Variants in LSM1 observed in about 807,000 individuals in gnomAD.
LSM1 encodes LSM1 homolog, mRNA degradation associated, also known as U6 snRNA-associated Sm-like protein LSm1.
LSM1 carries 13 observed loss-of-function variants against 18.0 expected under a neutral mutation model. The observed-to-expected ratio is 0.72, with a 90% CI of 0.47 to 1.15. The LOEUF is 1.15. LSM1 is among the 50% of genes most tolerant of loss of function. LSM1 has a pLI of 0.00. For missense variants in LSM1, 152 were observed against 157.7 expected (o/e 0.96, Z 0.19); for synonymous variants, 46 against 56.0 (o/e 0.82, Z 0.80).
chr8:38,176,270 C>T lies in LSM1; in HGVS notation c.46+5G>A, dbSNP rs775868603. The T allele has an allele frequency of 6.2e-7, 1 of 1,613,512 alleles. No individual in the cohort carries two copies. The highest frequency in any genetic ancestry group is 1.1e-5 in the South Asian group (1 of 90,926). ...GGCTCCACCGGGAGGAGATAAACTA[C>T]TCACTGTCAATGTCCTCGATGAGGC... On this transcript the variant is annotated splice_donor_5th_base_variant and intron_variant, in intron 1 of 3. Transcript: ENST00000311351.
At chr8:38,169,687 TAGG>T (rs1802991608) in intron 3 of LSM1, 112 bp downstream of exon 3, 1 of 614,934 alleles carries the variant, frequency 1.6e-6, no homozygotes, top group Non-Finnish European at 2.9e-6. Context: ...GGTAGTTGCC[TAGG>T]AGAAGCCAGA....
At chr8:38,176,082 G>T (rs955745514) in intron 1 of LSM1, 193 bp downstream of exon 1, 1 of 496,828 alleles carries the variant, frequency 2.0e-6, no homozygotes, top group Non-Finnish European at 3.6e-6. Context: ...AGGGGCAGAA[G>T]TAGCAGCAGG....
rs1256298584 is a variant in LSM1, at chr8:38,172,109, T to C, written c.47-76A>G. On this transcript the variant is annotated intron_variant, in intron 1 of 3. Coordinates refer to ENST00000311351, the MANE Select transcript of LSM1 (RefSeq NM_014462.3). ...GTATTTAGGATAATAATTAACAGTT[T>C]AAGCTGTACCACTTCCTCGGCCAAT... 3.9e-6 allele frequency: 4 copies of C among 1,028,322 alleles called. No homozygotes were observed. In the African/African-American group the frequency reaches 6.5e-5, roughly 17 times the overall value. The allele number at this position is 1,028,322 out of a possible 1,614,324, so 63.7% of individuals were successfully genotyped here.
At chr8:38,171,256 G>T (rs556257223) in intron 2 of LSM1, among the ~76,000 whole-genome samples, 66 of 152,318 alleles carry the variant, frequency 4.3e-4, no homozygotes, top group African/African-American at 1.5e-3. Context: ...CCTTGGGCCG[G>T]GCACAATGGC....
intron 1 of LSM1, 150 bp downstream of exon 1, chr8:38,176,125 T>C: frequency 1.6e-6 from 1 of 618,310 alleles, no homozygotes; most frequent in South Asian, 2.0e-5. Context: ...GTACCGCAGC[T>C]GTGGAGGACA....
intron 3 of LSM1, among the ~76,000 whole-genome samples, chr8:38,168,460 G>C (rs1339941512): frequency 1.3e-5 from 2 of 150,806 alleles, no homozygotes; most frequent in Non-Finnish European, 3.0e-5. Flanking sequence ...GCTTGGTTGC[G>C]GGCACCTGTA....
At chr8:38,172,099 ATTAACAGTTT>A in intron 1 of LSM1, 66 bp from the exon 2 acceptor site, 1 of 1,131,536 alleles carries the variant, frequency 8.8e-7, no homozygotes, top group East Asian at 2.3e-5. Context: ...TAGGATAATA[ATTAACAGTTT>A]AAGCTGTACC....
At chr8:38,164,971 A>C (rs1326320625) in intron 3 of LSM1, among the ~76,000 whole-genome samples, 1 of 152,194 alleles carries the variant, frequency 6.6e-6, no homozygotes, top group Non-Finnish European at 1.5e-5. Flanking sequence ...CCTTTACGGC[A>C]ACAAGTCTTC....
chr8:38,168,221 G>A (rs1169404665), intron 3 of LSM1, among the ~76,000 whole-genome samples: 2 of 150,712 alleles, frequency 1.3e-5, no homozygotes, highest in African/African-American at 2.4e-5. Flanking sequence ...TCAGCCTCCC[G>A]AAGTGCTGGG....
At position 38,176,223 on chromosome 8, in the gene LSM1, C is replaced by A; in HGVS notation, c.46+52G>T. Reference sequence around the variant, plus strand: ...AGCTTCTTCGGAAGAGGCGCCCGCCCGGGAGGAAGGGTCTAACCCCGGGCT... The same window carrying A: ...AGCTTCTTCGGAAGAGGCGCCCGCCAGGGAGGAAGGGTCTAACCCCGGGCT... On this transcript the variant is annotated intron_variant, in intron 1 of 3. Coordinates refer to ENST00000311351, the MANE Select transcript of LSM1 (RefSeq NM_014462.3). The A allele has an allele frequency of 2.6e-6, 4 of 1,549,582 alleles. No individual in the cohort carries two copies. In the South Asian group the frequency reaches 3.4e-5, roughly 13 times the overall value.
At chr8:38,167,769 T>C (rs1406613760) in intron 3 of LSM1, among the ~76,000 whole-genome samples, 1 of 152,084 alleles carries the variant, frequency 6.6e-6, no homozygotes, top group Non-Finnish European at 1.5e-5. Context: ...ACTGGCAGTA[T>C]CAAGCACAGT....
intron 1 of LSM1, chr8:38,175,962 C>A: frequency 3.2e-6 from 1 of 308,578 alleles, no homozygotes; most frequent in Non-Finnish European, 6.0e-6. Context: ...AGAAGCCCCC[C>A]CCCTCCCCGG....
At chr8:38,167,481 T>C (rs1250252198) in intron 3 of LSM1, among the ~76,000 whole-genome samples, 1 of 152,168 alleles carries the variant, frequency 6.6e-6, no homozygotes, top group Non-Finnish European at 1.5e-5. Flanking sequence ...TAGCTGGGAC[T>C]GGTGATGTGC....
chr8:38,163,759 T>C lies in LSM1; in HGVS notation c.313A>G (p.Thr105Ala). 3 of 1,614,220 alleles carry C rather than the reference T, an allele frequency of 1.9e-6. No individual in the cohort carries two copies. The highest frequency in any genetic ancestry group is 2.5e-6 in the Non-Finnish European group (3 of 1,180,034). Reference protein sequence around the residue: ...ILEEQRVEQQTKLEAEKLKVQ... With the variant: ...ILEEQRVEQQAKLEAEKLKVQ... ...TTCAACTTCTCTGCTTCCAGCTTGG[T>C]CTGCTGTTCCACCCTTTGTTCTTCT... is the stretch of plus-strand genomic sequence containing the variant. The change falls in exon 4 of 4, where the codon ACC becomes GCC. Residue 105 changes from threonine (T) to alanine (A), a missense_variant. Transcript: ENST00000311351.
intron 3 of LSM1, among the ~76,000 whole-genome samples, chr8:38,167,199 A>G (rs780951282): frequency 1.3e-5 from 2 of 152,228 alleles, no homozygotes; most frequent in Non-Finnish European, 2.9e-5. Flanking sequence ...AAAGGGATCC[A>G]AGGAAACAAT....
At chr8:38,175,934 G>C (rs1585645081) in intron 1 of LSM1, 2 of 256,612 alleles carry the variant, frequency 7.8e-6, no homozygotes, top group East Asian at 1.8e-4. Context: ...AAATACTGCA[G>C]GCAGGAGTGG....
At chr8:38,168,407 A>C (rs1802973550) in intron 3 of LSM1, among the ~76,000 whole-genome samples, 1 of 151,420 alleles carries the variant, frequency 6.6e-6, no homozygotes, top group Non-Finnish European at 1.5e-5. Context: ...CCTGGCCAAC[A>C]TAGTGAAACC....
chr8:38,169,963 T>G, intron 2 of LSM1, 46 bp from the exon 3 acceptor site: 1 of 924,010 alleles, frequency 1.1e-6, no homozygotes, highest in Non-Finnish European at 1.8e-6. Context: ...TTTAAACTAC[T>G]GGGTAAAGGC....
At chr8:38,164,212 G>A (rs969120913) in intron 3 of LSM1, among the ~76,000 whole-genome samples, 4 of 152,042 alleles carry the variant, frequency 2.6e-5, no homozygotes, top group African/African-American at 7.2e-5. Context: ...GTGCCACCAC[G>A]CCTGGCTAAT....
Sources: gnomAD v4.1 joint callset for allele counts (sites outside exome capture counted in the v4.1 genomes callset) on GRCh38, gnomAD v4.1.1 for gene constraint, MANE v1.5 for transcripts, NCBI Gene and HGNC (gene_info 2026-07-23, HGNC 2026-07-21) for gene names.